The following PZP variants were observed in gnomAD, a reference collection of about 807,000 sequenced individuals.
PZP encodes pregnancy zone protein.
Under a neutral mutation model 179.8 loss-of-function variants are expected in PZP, and 150 were observed. That is an observed-to-expected ratio of 0.83 (90% confidence interval 0.73 to 0.96). The LOEUF is 0.96. PZP is among the 40% of genes least tolerant of loss of function. The pLI is 0.00. For synonymous variants in PZP, 624 were observed against 652.3 expected, an observed-to-expected ratio of 0.96 and a Z score of 0.66; for missense variants, 1,689 against 1,764.0, an observed-to-expected ratio of 0.96 and a Z score of 0.76.
intron 7 of PZP, among the ~76,000 whole-genome samples, chr12:9,197,641 A>G (rs1459083780): frequency 4.6e-5 from 3 of 64,750 alleles, no homozygotes; most frequent in Non-Finnish European, 7.9e-5. Context: ...TATATATTAT[A>G]TTATATAATA....
At chr12:9,142,501 T>C in the PZP span, among the ~76,000 whole-genome samples, 1 of 152,232 alleles carries the variant, frequency 6.6e-6, no homozygotes, top group Non-Finnish European at 1.5e-5. Flanking sequence ...CAGTAAGTTT[T>C]AAAGATTAAA....
rs1476089007 is a variant in PZP at position 9,182,052 on chromosome 12, T to C, written c.1612A>G (p.Ile538Val). The C allele has an allele frequency of 2.5e-6, 4 of 1,613,742 alleles. No homozygotes were observed. The highest frequency in any genetic ancestry group is 2.2e-5 in the South Asian group (2 of 91,062). Reference protein sequence around the residue: ...SDVAPIARMFIFAILPDGEVV... With the variant: ...SDVAPIARMFVFAILPDGEVV... ...TCTCCATCTGGTAAAATGGCAAAGA[T>C]GAACATTCGTGCAATGGGGGCAACG... The change falls in exon 14 of 36, where the codon ATC becomes GTC. Residue 538 changes from isoleucine to valine, a missense_variant. Physicochemically the swap from Ile to Val is conservative, Grantham distance 29. Coordinates refer to ENST00000261336, the MANE Select transcript of PZP (RefSeq NM_002864.3).
intron 2 of PZP, 143 bp from the exon 3 acceptor site, chr12:9,202,827 C>T (rs1405681673): frequency 1.9e-5 from 15 of 781,436 alleles, no homozygotes; most frequent in Non-Finnish European, 2.8e-5. Flanking sequence ...ATAAGAGTGA[C>T]GATATTAATG....
At position 9,197,129 on chromosome 12, in the gene PZP, A is replaced by C. The variant is rs1296148493; in HGVS notation, c.756-6T>G. The C allele has an allele frequency of 1.3e-6, 2 of 1,574,920 alleles. No individual in the cohort carries two copies. The highest frequency in any genetic ancestry group is 1.7e-6 in the Non-Finnish European group (2 of 1,146,162). On this transcript the variant is annotated splice_polypyrimidine_tract_variant and splice_region_variant and intron_variant, in intron 7 of 35. Coordinates refer to ENST00000261336, the MANE Select transcript of PZP (RefSeq NM_002864.3). ...CAGGCTTCCCATAAGTGTATCTGGT[A>C]CATGAGAAATAAATCAGGAATTGAG...
chr12:9,184,264 A>G (rs1051905344), intron 13 of PZP, among the ~76,000 whole-genome samples: 1 of 152,144 alleles, frequency 6.6e-6, no homozygotes, highest in African/African-American at 2.4e-5. Context: ...CACCCCTGCC[A>G]GCACCCTGCC....
chr12:9,158,839 T>C (rs1394394757), intron 25 of PZP, among the ~76,000 whole-genome samples: 1 of 149,862 alleles, frequency 6.7e-6, no homozygotes, highest in Non-Finnish European at 1.5e-5. Context: ...TCTATGCCAC[T>C]TCAGAGGTTC....
intron 1 of PZP, 54 bp downstream of exon 1, chr12:9,208,205 A>G: frequency 7.2e-7 from 1 of 1,397,610 alleles, no homozygotes; most frequent in South Asian, 1.2e-5. Context: ...AAGCGAAGAC[A>G]CAAGGGAGAG....
chr12:9,158,028 A>T (rs1270590498), intron 26 of PZP, among the ~76,000 whole-genome samples, 187 bp from the exon 27 acceptor site: 1 of 152,174 alleles, frequency 6.6e-6, no homozygotes, highest in Admixed American at 6.5e-5. Flanking sequence ...ATCACACATG[A>T]CAGCCTCAAG....
intron 29 of PZP, 21 bp from the exon 30 acceptor site, chr12:9,153,364 A>G (rs1188723724): frequency 6.3e-7 from 1 of 1,593,922 alleles, no homozygotes; most frequent in East Asian, 2.2e-5. Context: ...CGAGTGGACA[A>G]CCGCCCCAAA....
chr12:9,180,902 C>G, intron 15 of PZP, 81 bp downstream of exon 15: 2 of 1,464,030 alleles, frequency 1.4e-6, no homozygotes, highest in Non-Finnish European at 1.8e-6. Context: ...ACCTACTCAT[C>G]TGACAAAGGG....
intron 18 of PZP, 136 bp downstream of exon 18, chr12:9,165,916 A>G: frequency 2.8e-6 from 3 of 1,068,606 alleles, no homozygotes; most frequent in Non-Finnish European, 4.0e-6. Context: ...TGCGCATTTT[A>G]CTTAGGTCTA....
chr12:9,182,691 C>T (rs1406837682), intron 13 of PZP, among the ~76,000 whole-genome samples: 1 of 152,136 alleles, frequency 6.6e-6, no homozygotes, highest in Non-Finnish European at 1.5e-5. Flanking sequence ...TCAGAAAATA[C>T]TTTACATTTT....
At chr12:9,190,386 T>C (rs1943390601) in intron 13 of PZP, among the ~76,000 whole-genome samples, 1 of 152,102 alleles carries the variant, frequency 6.6e-6, no homozygotes, top group African/African-American at 2.4e-5. Context: ...CTTAGCAAAA[T>C]AATGTAGGAA....
intron 15 of PZP, among the ~76,000 whole-genome samples, chr12:9,173,132 G>A (rs978427671): frequency 1.3e-5 from 2 of 152,132 alleles, no homozygotes; most frequent in African/African-American, 4.8e-5. Flanking sequence ...TCTTTCAGAC[G>A]ACAGTGCAAT....
intron 15 of PZP, among the ~76,000 whole-genome samples, chr12:9,179,835 A>G (rs189542780): frequency 6.6e-6 from 1 of 152,378 alleles, no homozygotes; most frequent in East Asian, 1.9e-4. Flanking sequence ...GACATTAATA[A>G]CTGAGGTTAA....
chr12:9,172,665 G>GA, intron 15 of PZP, among the ~76,000 whole-genome samples: 1 of 151,004 alleles, frequency 6.6e-6, no homozygotes, highest in Admixed American at 6.6e-5. Context: ...ATGGAAAACA[G>GA]AAAAAAGCAA....
In PZP at chr12:9,180,989, C is replaced by T; in HGVS notation, c.1833G>A (p.Val611=). ...LLMKPEAELS[V]SSVYNLLTVK... ...AAGGCCACTGGAAACTCACTGAGGA[C>T]ACAGAGAGCTCAGCCTCAGGCTTCA... is the stretch of plus-strand genomic sequence containing the variant. The change falls in exon 15 of 36, where the codon GTG becomes GTA. Residue 611 remains valine, a synonymous_variant. Coordinates refer to ENST00000261336, the MANE Select transcript of PZP (RefSeq NM_002864.3). 1.9e-6 allele frequency: 3 copies of T among 1,613,308 alleles called. No homozygotes were observed. Among genetic ancestry groups the T allele is most frequent in the Non-Finnish European group, 2.5e-6 (3 of 1,179,692 alleles).
At position 9,166,131 on chromosome 12, in the gene PZP, C is replaced by CA; in HGVS notation, c.2178dup (p.Glu727Ter). 1 of 1,614,002 alleles carries CA rather than the reference C, an allele frequency of 6.2e-7. No homozygotes were observed. Among genetic ancestry groups the CA allele is most frequent in the Non-Finnish European group, 8.5e-7 (1 of 1,179,980 alleles). On this transcript the variant is annotated frameshift_variant, in exon 18 of 36. Coordinates refer to ENST00000261336, the MANE Select transcript of PZP (RefSeq NM_002864.3). LOFTEE classifies it high-confidence loss of function. ...TCAGGGACTGGCCCTGAACTTTGTTCATTATTTAAGGGTATCACATTATAT... is the reference window on the plus strand; with the variant it reads ...TCAGGGACTGGCCCTGAACTTTGTTCAATTATTTAAGGGTATCACATTATAT...
chr12:9,192,475 G>A (rs780422184), intron 12 of PZP, 37 bp downstream of exon 12: 1 of 1,571,626 alleles, frequency 6.4e-7, no homozygotes, highest in South Asian at 1.1e-5. Context: ...TTGTCCTACT[G>A]ATAAGCTGCA....
Sources: gnomAD v4.1 joint callset for allele counts (sites outside exome capture counted in the v4.1 genomes callset) on GRCh38, gnomAD v4.1.1 for gene constraint, MANE v1.5 for transcripts, NCBI Gene and HGNC (gene_info 2026-07-23, HGNC 2026-07-21) for gene names.